FRMD4B: variants seen among roughly 807,000 people sequenced by gnomAD.
The protein encoded by FRMD4B is FERM domain-containing protein 4B.
Under a neutral mutation model 141.5 loss-of-function variants are expected in FRMD4B, and 74 were observed. The ratio of observed to expected loss-of-function variants is 0.52; its 90% CI spans 0.43 to 0.63. The LOEUF is 0.63. FRMD4B is among the 30% of genes least tolerant of loss of function. The probability of loss-of-function intolerance (pLI) is 0.00; values close to 1 mark genes in which losing one functional copy is unlikely to be tolerated. For missense variants in FRMD4B, 1,366 were observed against 1,253.4 expected (o/e 1.09, Z -1.36); for synonymous variants, 506 against 467.9 (o/e 1.08, Z -1.05).
At chr3:69,539,786 T>G (rs910651263) in intron 1 of FRMD4B, among the ~76,000 whole-genome samples, 7 of 152,218 alleles carry the variant, frequency 4.6e-5, no homozygotes, top group African/African-American at 1.7e-4. Flanking sequence ...TTGCCTAAAT[T>G]TTTCTCAACC....
intron 1 of FRMD4B, among the ~76,000 whole-genome samples, chr3:69,523,899 G>A (rs1700892281): frequency 6.6e-6 from 1 of 152,080 alleles, no homozygotes; most frequent in African/African-American, 2.4e-5. Context: ...CCCTACCCAG[G>A]GAATCCCTCT....
chr3:69,187,684 G>T (rs989642445), intron 19 of FRMD4B, 86 bp downstream of exon 19: 3 of 1,234,080 alleles, frequency 2.4e-6, no homozygotes, highest in Admixed American at 5.2e-5. Flanking sequence ...AAAAACATGT[G>T]AAAATGTATC....
intron 1 of FRMD4B, among the ~76,000 whole-genome samples, chr3:69,315,546 C>A (rs1055384902): frequency 1.3e-5 from 2 of 151,990 alleles, no homozygotes; most frequent in African/African-American, 4.8e-5. Context: ...GTTGTTGTTT[C>A]TTTCTTTTTC....
At chr3:69,331,340 G>A (rs560509453) in intron 1 of FRMD4B, among the ~76,000 whole-genome samples, 41 of 152,288 alleles carry the variant, frequency 2.7e-4, no homozygotes, top group African/African-American at 8.7e-4. Context: ...GCCCCTCGGC[G>A]TAGGGCGGTG....
intron 1 of FRMD4B, among the ~76,000 whole-genome samples, chr3:69,368,511 C>T (rs1032281787): frequency 2.6e-5 from 4 of 152,194 alleles, no homozygotes; most frequent in East Asian, 1.9e-4. Flanking sequence ...CCTGTGCCTA[C>T]CCCCCTTGTC....
intron 7 of FRMD4B, among the ~76,000 whole-genome samples, chr3:69,240,539 A>G (rs1310849675): frequency 6.6e-6 from 1 of 152,012 alleles, no homozygotes; most frequent in East Asian, 1.9e-4. Context: ...CAATGCAGAT[A>G]ATGTTTTCCT....
chr3:69,537,182 A>T (rs1050653302), intron 1 of FRMD4B, among the ~76,000 whole-genome samples: 1 of 152,194 alleles, frequency 6.6e-6, no homozygotes, highest in Non-Finnish European at 1.5e-5. Context: ...ACCAGGATTG[A>T]CCCAGGGAAG....
chr3:69,505,349 G>T (rs558574374), intron 1 of FRMD4B, among the ~76,000 whole-genome samples: 4 of 152,128 alleles, frequency 2.6e-5, no homozygotes, highest in Non-Finnish European at 5.9e-5. Flanking sequence ...CTGCCCTCCA[G>T]TCTGGATGAC....
At position 69,232,923 on chromosome 3, in the gene FRMD4B, T is replaced by G. The variant is rs1027874253; in HGVS notation, c.582-8233A>C. 1.3e-4 allele frequency among the ~76,000 whole-genome samples: 20 copies of G among 149,414 alleles called. 1 individual carries two copies. The highest frequency in any genetic ancestry group is 4.2e-4 in the African/African-American group (17 of 40,820). ...TTCACTTTTGTTGTTTGTTTTTTTTTTTTTTTTTGGTAGGGATGAGGTCTC... is the reference window on the plus strand; with the variant it reads ...TTCACTTTTGTTGTTTGTTTTTTTTGTTTTTTTTGGTAGGGATGAGGTCTC... On this transcript the variant is annotated intron_variant, in intron 7 of 22. Transcript: ENST00000398540.
intron 2 of FRMD4B, among the ~76,000 whole-genome samples, chr3:69,397,971 T>C (rs1479682783): frequency 6.6e-6 from 1 of 152,098 alleles, no homozygotes; most frequent in African/African-American, 2.4e-5. Context: ...CCACAATGAG[T>C]GTGTAATACT....
At chr3:69,486,630 G>A (rs969745025) in intron 1 of FRMD4B, among the ~76,000 whole-genome samples, 1 of 152,162 alleles carries the variant, frequency 6.6e-6, no homozygotes, top group Non-Finnish European at 1.5e-5. Context: ...GAAAGAAAAG[G>A]GGGGAAAATG....
intron 1 of FRMD4B, among the ~76,000 whole-genome samples, chr3:69,324,916 A>G (rs911586789): frequency 4.6e-5 from 7 of 151,736 alleles, no homozygotes; most frequent in African/African-American, 1.7e-4. Context: ...GCAACAGGGT[A>G]AGACCCTGTC....
In FRMD4B at chr3:69,286,499, G is replaced by A. The variant is rs193209335; in HGVS notation, c.501+1253C>T. On this transcript the variant is annotated intron_variant, in intron 5 of 22. Coordinates refer to ENST00000398540, the MANE Select transcript of FRMD4B (RefSeq NM_015123.3). Reference sequence around the variant, plus strand: ...ATACTATAAACCCTAAAGTAACCATGGAAACAACAAAGAGTTATAGCTAAT... The same window carrying A: ...ATACTATAAACCCTAAAGTAACCATAGAAACAACAAAGAGTTATAGCTAAT... Among the ~76,000 whole-genome samples the A allele has an allele frequency of 5.5e-3, 841 of 152,132 alleles. 1 individual carries two copies. Among genetic ancestry groups the A allele is most frequent in the Middle Eastern group, 0.031 (9 of 294 alleles).
At chr3:69,466,878 T>G (rs536055009) in intron 1 of FRMD4B, among the ~76,000 whole-genome samples, 1 of 152,194 alleles carries the variant, frequency 6.6e-6, no homozygotes, top group African/African-American at 2.4e-5. Flanking sequence ...TATTTTTATT[T>G]TTTTGTAGAG....
chr3:69,432,407 T>C (rs1291059898), intron 2 of FRMD4B, among the ~76,000 whole-genome samples: 1 of 152,218 alleles, frequency 6.6e-6, no homozygotes, highest in Admixed American at 6.5e-5. Context: ...TTTGGGGTGT[T>C]TGACTTTCAT....
chr3:69,191,967 C>G (rs1335097636), intron 17 of FRMD4B, among the ~76,000 whole-genome samples: 1 of 152,114 alleles, frequency 6.6e-6, no homozygotes, highest in Non-Finnish European at 1.5e-5. Context: ...GCTCTACACC[C>G]AATTATATTC....
intron 1 of FRMD4B, among the ~76,000 whole-genome samples, chr3:69,444,082 T>C (rs1705376502): frequency 6.6e-6 from 1 of 152,088 alleles, no homozygotes; most frequent in Admixed American, 6.5e-5. Context: ...GAGGACCATT[T>C]TCCACACCCC....
chr3:69,335,372 A>AT (rs35424718), intron 1 of FRMD4B, among the ~76,000 whole-genome samples: 77,859 of 133,582 alleles, frequency 0.58, 22,869 homozygotes, highest in East Asian at 0.82. Context: ...TCATTATTGC[A>AT]TTTTTTTTTT....
chr3:69,282,425 T>C (rs1227728234), intron 5 of FRMD4B, among the ~76,000 whole-genome samples: 1 of 152,182 alleles, frequency 6.6e-6, no homozygotes, highest in Admixed American at 6.5e-5. Context: ...TGACTCACTT[T>C]TGCCAATCAA....
Sources: gnomAD v4.1 joint callset for allele counts (sites outside exome capture counted in the v4.1 genomes callset) on GRCh38, gnomAD v4.1.1 for gene constraint, MANE v1.5 for transcripts, NCBI Gene and HGNC (gene_info 2026-07-23, HGNC 2026-07-21) for gene names.